The following TBCA variants were observed in gnomAD, a reference collection of about 807,000 sequenced individuals.
TBCA encodes tubulin folding cofactor A.
Under a neutral mutation model 15.8 loss-of-function variants are expected in TBCA, and 6 were observed. That is an observed-to-expected ratio of 0.38 (90% CI 0.21 to 0.75). The LOEUF (loss-of-function observed/expected upper bound fraction) is 0.75, where lower values mean the gene tolerates loss of function less well. TBCA is among the 30% of genes least tolerant of loss of function. TBCA has a pLI of 0.46. For synonymous variants in TBCA, 32 were observed against 42.3 expected (o/e 0.76, Z 0.94); for missense variants, 90 against 131.2 (o/e 0.69, Z 1.53).
intron 1 of TBCA, among the ~76,000 whole-genome samples, chr5:77,743,743 G>A (rs907215189): frequency 6.6e-6 from 1 of 152,114 alleles, no homozygotes; most frequent in African/African-American, 2.4e-5. Flanking sequence ...TTATACGGAG[G>A]TCTTCAAATT....
chr5:77,745,616 C>T (rs532020124), intron 1 of TBCA, among the ~76,000 whole-genome samples: 5 of 152,182 alleles, frequency 3.3e-5, no homozygotes, highest in African/African-American at 1.2e-4. Flanking sequence ...CAGCTAAGAA[C>T]TGGTGATGGT....
At chr5:77,773,521 G>GTTAC (rs1747957148) in intron 1 of TBCA, among the ~76,000 whole-genome samples, 1 of 152,118 alleles carries the variant, frequency 6.6e-6, no homozygotes, top group Non-Finnish European at 1.5e-5. Flanking sequence ...TACAAATAAG[G>GTTAC]TAAAAGAGGC....
chr5:77,730,512 T>C (rs1183226384), intron 1 of TBCA, among the ~76,000 whole-genome samples: 1 of 152,224 alleles, frequency 6.6e-6, no homozygotes, highest in Non-Finnish European at 1.5e-5. Flanking sequence ...TGTGGTAATT[T>C]GGTTATGGCA....
rs1203249678 is a variant in TBCA at position 77,691,326 on chromosome 5, T to C, written c.*92A>G. The C allele has an allele frequency of 9.9e-7, 1 of 1,014,100 alleles. No homozygotes were observed. Among genetic ancestry groups the C allele is most frequent in the Middle Eastern group, 3.0e-4 (1 of 3,324 alleles). The allele number at this position is 1,014,100 out of a possible 1,614,324, so 62.8% of individuals were successfully genotyped here. On this transcript the variant is annotated 3_prime_UTR_variant, in exon 4 of 4. Transcript: ENST00000380377. Reference sequence around the variant, plus strand: ...CCAGATAAAAACAATCACATTCTCATACTACTTGAACACATAGCAGTGGTC... The same window carrying C: ...CCAGATAAAAACAATCACATTCTCACACTACTTGAACACATAGCAGTGGTC...
chr5:77,754,430 CCA>C (rs1357119285), intron 1 of TBCA, among the ~76,000 whole-genome samples: 3 of 151,980 alleles, frequency 2.0e-5, no homozygotes, highest in African/African-American at 7.2e-5. Flanking sequence ...TGAAAAATAT[CCA>C]GACATTTAAT....
intron 1 of TBCA, among the ~76,000 whole-genome samples, chr5:77,714,275 G>C (rs552265804): frequency 6.6e-6 from 1 of 151,922 alleles, no homozygotes; most frequent in Non-Finnish European, 1.5e-5. Context: ...AGCCAAGATC[G>C]TACCACTGCA....
chr5:77,772,194 T>C (rs1747931069), intron 1 of TBCA, among the ~76,000 whole-genome samples: 1 of 152,072 alleles, frequency 6.6e-6, no homozygotes. Flanking sequence ...GAAAAAAGCA[T>C]ATCTTTTAGA....
rs200965284 is a variant in TBCA, at chr5:77,709,776, C to T, written c.54-1429G>A. Among the ~76,000 whole-genome samples the T allele has an allele frequency of 5.9e-5, 9 of 151,956 alleles. No individual in the cohort carries two copies. In the East Asian group the frequency reaches 1.5e-3, roughly 26 times the overall value. On this transcript the variant is annotated intron_variant, in intron 1 of 3. Coordinates refer to ENST00000380377, the MANE Select transcript of TBCA (RefSeq NM_004607.3). Reference sequence around the variant, plus strand: ...GCAAGACAGGCAAAATGTGGAAGTCCAATAATCAATGGAAAATGTGGTATA... The same window carrying T: ...GCAAGACAGGCAAAATGTGGAAGTCTAATAATCAATGGAAAATGTGGTATA...
intron 1 of TBCA, among the ~76,000 whole-genome samples, chr5:77,774,707 G>C (rs893851629): frequency 6.6e-6 from 1 of 152,024 alleles, no homozygotes; most frequent in African/African-American, 2.4e-5. Flanking sequence ...TGACCACCTC[G>C]GGCACATGTC....
intron 1 of TBCA, among the ~76,000 whole-genome samples, chr5:77,754,325 C>A (rs1041644843): frequency 2.1e-4 from 32 of 152,168 alleles, no homozygotes; most frequent in Admixed American, 1.0e-3. Context: ...TTGTTTTATA[C>A]ATAACCTTTA....
At chr5:77,693,170 C>G (rs751057540) in intron 3 of TBCA, 96 bp downstream of exon 3, 146 of 1,547,212 alleles carry the variant, frequency 9.4e-5, no homozygotes, top group Non-Finnish European at 1.2e-4. Flanking sequence ...AGAAATACTG[C>G]CAACTAGTTC....
intron 1 of TBCA, among the ~76,000 whole-genome samples, chr5:77,742,002 G>A (rs770969500): frequency 4.6e-5 from 7 of 152,284 alleles, no homozygotes; most frequent in East Asian, 1.9e-4. Flanking sequence ...AGAGAATACG[G>A]TATGTTTTAT....
chr5:77,770,549 T>C (rs1240459835), intron 1 of TBCA, among the ~76,000 whole-genome samples: 1 of 147,648 alleles, frequency 6.8e-6, no homozygotes, highest in Non-Finnish European at 1.5e-5. Context: ...ACTGTGATAA[T>C]TGATGCCACC....
chr5:77,726,459 G>A (rs1746632876), intron 1 of TBCA, among the ~76,000 whole-genome samples: 1 of 152,070 alleles, frequency 6.6e-6, no homozygotes, highest in African/African-American at 2.4e-5. Flanking sequence ...AAAAATAGTT[G>A]AACAATAAAA....
rs184415725 is a variant in TBCA at position 77,711,830 on chromosome 5, A to G, written c.54-3483T>C. Among the ~76,000 whole-genome samples the G allele has an allele frequency of 1.2e-3, 182 of 152,314 alleles. 1 individual carries two copies. The highest frequency in any genetic ancestry group is 4.1e-3 in the African/African-American group (172 of 41,578). ...AAAGAGTTACTTAACTACCTATCAC[A>G]TGGGATAAGTAAAGGTGCTGCGTAT... On this transcript the variant is annotated intron_variant, in intron 1 of 3. Transcript: ENST00000380377.
intron 1 of TBCA, among the ~76,000 whole-genome samples, chr5:77,768,269 G>A (rs1747830946): frequency 6.6e-6 from 1 of 152,132 alleles, no homozygotes; most frequent in Non-Finnish European, 1.5e-5. Context: ...TCAGGCATTT[G>A]GGCTAAGTGC....
chr5:77,771,534 C>G (rs1747913942), intron 1 of TBCA, among the ~76,000 whole-genome samples: 1 of 152,160 alleles, frequency 6.6e-6, no homozygotes, highest in East Asian at 1.9e-4. Flanking sequence ...CACCGTAAAC[C>G]TCCGGCCTAT....
chr5:77,716,407 G>A (rs1489161188), intron 1 of TBCA, among the ~76,000 whole-genome samples: 1 of 152,120 alleles, frequency 6.6e-6, no homozygotes, highest in Non-Finnish European at 1.5e-5. Flanking sequence ...GGTATATCAT[G>A]AAATATCATA....
chr5:77,717,039 G>A (rs1021239061), intron 1 of TBCA, among the ~76,000 whole-genome samples: 1 of 152,142 alleles, frequency 6.6e-6, no homozygotes, highest in Non-Finnish European at 1.5e-5. Flanking sequence ...ATTGTCACCT[G>A]TGTGTGACAC....
Sources: allele counts gnomAD v4.1 joint callset (sites outside exome capture counted in the v4.1 genomes callset), GRCh38; gene constraint gnomAD v4.1.1; transcripts MANE v1.5; gene names NCBI Gene and HGNC (gene_info 2026-07-23, HGNC 2026-07-21).